Variants in C12orf42 observed in about 807,000 individuals in gnomAD.
C12orf42 encodes uncharacterized protein C12orf42.
C12orf42 carries 25 observed loss-of-function variants against 21.6 expected under a neutral mutation model. That is an observed-to-expected ratio of 1.16 (90% CI 0.84 to 1.62). The LOEUF is 1.62. Among genes scored for constraint, C12orf42 ranks in the 40% most tolerant of loss-of-function variants. The pLI is 0.00. For missense variants in C12orf42, 483 were observed against 459.3 expected (o/e 1.05, Z -0.47); for synonymous variants, 174 against 175.0 (o/e 0.99, Z 0.05).
chr12:103,464,379 A>T (rs1952952929), intron 2 of C12orf42, among the ~76,000 whole-genome samples: 1 of 150,058 alleles, frequency 6.7e-6, no homozygotes, highest in Non-Finnish European at 1.5e-5. Flanking sequence ...TTCTTTTGAG[A>T]AGTGTCTGTT....
intron 4 of C12orf42, among the ~76,000 whole-genome samples, chr12:103,341,112 CAA>C (rs34154888): frequency 1.6e-3 from 77 of 47,674 alleles, no homozygotes; most frequent in Middle Eastern, 0.024. Context: ...GACTCTGTCT[CAA>C]AAAAAAAAAA....
the C12orf42 span, among the ~76,000 whole-genome samples, chr12:103,137,614 A>T: frequency 6.6e-6 from 1 of 152,244 alleles, no homozygotes; most frequent in African/African-American, 2.4e-5. Context: ...AAGACATGAA[A>T]TCAACCTAAG....
intron 4 of C12orf42, among the ~76,000 whole-genome samples, chr12:103,288,491 C>A (rs542450835): frequency 6.6e-6 from 1 of 152,160 alleles, no homozygotes; most frequent in Non-Finnish European, 1.5e-5. Context: ...TCGTTTAATG[C>A]GTCCTTGTTT....
At chr12:103,407,157 T>G (rs1489038007) in intron 2 of C12orf42, among the ~76,000 whole-genome samples, 1 of 152,130 alleles carries the variant, frequency 6.6e-6, no homozygotes, top group Non-Finnish European at 1.5e-5. Context: ...CTGCAGCCTC[T>G]TCACAGTGTT....
At chr12:103,214,426 A>C in the C12orf42 span, among the ~76,000 whole-genome samples, 2 of 152,136 alleles carry the variant, frequency 1.3e-5, no homozygotes, top group African/African-American at 2.4e-5. Context: ...CTCCTTTCCA[A>C]ATTACTGACA....
downstream of C12orf42, among the ~76,000 whole-genome samples, chr12:103,300,329 A>G (rs75921738): frequency 0.046 from 7,023 of 152,254 alleles, 506 homozygotes; most frequent in African/African-American, 0.15. Context: ...CTAAGAGGGT[A>G]CATGGTGGGT....
At chr12:103,222,978 A>T in the C12orf42 span, among the ~76,000 whole-genome samples, 7 of 151,642 alleles carry the variant, frequency 4.6e-5, no homozygotes, top group East Asian at 1.4e-3. Flanking sequence ...TCTTCCATTC[A>T]GTCTACAAAC....
intron 10 of C12orf42, among the ~76,000 whole-genome samples, chr12:103,245,468 ATT>A (rs1318709891): frequency 6.6e-6 from 1 of 152,090 alleles, no homozygotes; most frequent in East Asian, 1.9e-4. Context: ...TGAGCTTCAC[ATT>A]TTTCATGTAA....
intron 4 of C12orf42, among the ~76,000 whole-genome samples, chr12:103,293,751 A>G (rs1388979410): frequency 6.6e-6 from 1 of 152,174 alleles, no homozygotes; most frequent in Non-Finnish European, 1.5e-5. Context: ...GAACTATATC[A>G]TCAAATATAT....
intron 3 of C12orf42, among the ~76,000 whole-genome samples, chr12:103,390,642 G>T (rs2046995385): frequency 6.6e-6 from 1 of 152,150 alleles, no homozygotes; most frequent in Non-Finnish European, 1.5e-5. Context: ...CAAGCTGGAG[G>T]CCCAGGAAAG....
At chr12:103,104,548 C>G in the C12orf42 span, among the ~76,000 whole-genome samples, 3 of 152,204 alleles carry the variant, frequency 2.0e-5, no homozygotes, top group Admixed American at 6.5e-5. Flanking sequence ...TCAAGCAATT[C>G]CCCTGCCTCA....
rs190910890 is a variant in C12orf42 at position 103,275,693 on chromosome 12, C to T, written n.398+1457G>A. Among the ~76,000 whole-genome samples, 461 of 149,300 alleles carry T rather than the reference C, an allele frequency of 3.1e-3. 1 individual carries two copies. The highest frequency in any genetic ancestry group is 0.011 in the African/African-American group (445 of 40,804). ...TGTAAAATCCCAAATACAATACTAT[C>T]TTGCAGAATTCAATGGAATATTGAT... is the stretch of plus-strand genomic sequence containing the variant. On this transcript the variant is annotated intron_variant and non_coding_transcript_variant, in intron 5 of 6. Coordinates refer to the C12orf42 transcript ENST00000546526.
At chr12:103,478,583 A>ATTTTT (rs3065865) in intron 1 of C12orf42, 136 bp from the exon 2 acceptor site, 8 of 280,344 alleles carry the variant, frequency 2.9e-5, no homozygotes, top group Admixed American at 1.8e-4. Flanking sequence ...ACTTTCAATA[A>ATTTTT]TTTTTTTTTT....
chr12:103,526,475 A>T, the C12orf42 span, among the ~76,000 whole-genome samples: 1 of 152,196 alleles, frequency 6.6e-6, no homozygotes, highest in East Asian at 1.9e-4. Flanking sequence ...ATGTGTCGTT[A>T]TTTCATTGTA....
chr12:103,539,992 GT>G, the C12orf42 span, among the ~76,000 whole-genome samples: 1 of 125,600 alleles, frequency 8.0e-6, no homozygotes, highest in Non-Finnish European at 1.8e-5. Context: ...CCATGAGGTC[GT>G]TTTTTGTTTT....
the C12orf42 span, among the ~76,000 whole-genome samples, chr12:103,177,936 T>C: frequency 2.6e-5 from 4 of 152,020 alleles, no homozygotes; most frequent in African/African-American, 7.2e-5. Context: ...AAAGAATGGA[T>C]AGGGAAAGTT....
At chr12:103,498,087 C>A (rs1380684097), upstream of C12orf42, among the ~76,000 whole-genome samples, 2 of 151,252 alleles carry the variant, frequency 1.3e-5, no homozygotes, top group African/African-American at 2.4e-5. Context: ...AACATCTAAT[C>A]AGCTACGATG....
chr12:103,130,574 G>T, the C12orf42 span, among the ~76,000 whole-genome samples: 2 of 152,116 alleles, frequency 1.3e-5, no homozygotes, highest in Non-Finnish European at 2.9e-5. Context: ...TTAGTGTGCA[G>T]GTCATTCATT....
At chr12:103,206,872 C>G in the C12orf42 span, among the ~76,000 whole-genome samples, 1 of 152,144 alleles carries the variant, frequency 6.6e-6, no homozygotes, top group Non-Finnish European at 1.5e-5. Context: ...CCGATCTTCC[C>G]GGCTAGAACT....
Sources: gnomAD v4.1 joint callset for allele counts (sites outside exome capture counted in the v4.1 genomes callset) on GRCh38, gnomAD v4.1.1 for gene constraint, MANE v1.5 for transcripts, NCBI Gene and HGNC (gene_info 2026-07-23, HGNC 2026-07-21) for gene names.